Variants in CDKL2 observed in about 807,000 individuals in gnomAD.
The protein encoded by CDKL2 is cyclin-dependent kinase-like 2.
A neutral mutation model predicts 63.9 loss-of-function variants in CDKL2; 64 were observed. The ratio of observed to expected loss-of-function variants is 1.00; its 90% confidence interval spans 0.82 to 1.23. The LOEUF is 1.23. Ranked by LOEUF, CDKL2 falls within the 50% of genes most tolerant of loss-of-function variation. The pLI is 0.00. For synonymous variants in CDKL2, 211 were observed against 229.2 expected, an observed-to-expected ratio of 0.92 and a Z score of 0.72; for missense variants, 656 against 668.0, an observed-to-expected ratio of 0.98 and a Z score of 0.20.
intron 10 of CDKL2, among the ~76,000 whole-genome samples, chr4:75,594,434 C>T (rs1008210929): frequency 6.0e-5 from 9 of 149,458 alleles, no homozygotes; most frequent in Admixed American, 3.4e-4. Context: ...GGCGACAGAG[C>T]GAGATTCTGA....
intron 8 of CDKL2, 50 bp downstream of exon 8, chr4:75,598,027 T>A: frequency 8.3e-7 from 1 of 1,211,100 alleles, no homozygotes; most frequent in South Asian, 1.8e-5. Context: ...TCTCAAAAAA[T>A]TTAAAAAAAT....
At chr4:75,590,092 A>C (rs1728650971) in intron 12 of CDKL2, among the ~76,000 whole-genome samples, 1 of 152,142 alleles carries the variant, frequency 6.6e-6, no homozygotes, top group South Asian at 2.1e-4. Context: ...GCCTAAGCCC[A>C]GGGGATCAAG....
chr4:75,592,390 A>C (rs1313509647), intron 10 of CDKL2, 121 bp from the exon 11 acceptor site: 12 of 713,256 alleles, frequency 1.7e-5, no homozygotes, highest in Non-Finnish European at 2.5e-5. Flanking sequence ...TATAATAAAA[A>C]ATTTGAAGGA....
rs557950896 is a variant in CDKL2 at position 75,619,110 on chromosome 4, CTT to C, written c.169-4663_169-4662del. On this transcript the variant is annotated intron_variant, in intron 2 of 13. Coordinates refer to ENST00000307465, the MANE Select transcript of CDKL2 (RefSeq NM_001330724.2). ...GATAAAAAGAGACTATAAGCAAGAA[CTT>C]TGAACTTACTAAGGAGGTCCTGAGC... Among the ~76,000 whole-genome samples the C allele has an allele frequency of 4.9e-3, 743 of 152,242 alleles. 7 individuals are homozygous for C. The highest frequency in any genetic ancestry group is 7.9e-3 in the Admixed American group (121 of 15,292).
In CDKL2 at chr4:75,617,046, T is replaced by C. The variant is rs144770609; in HGVS notation, c.169-2597A>G. Among the ~76,000 whole-genome samples, 462 of 152,154 alleles carry C rather than the reference T, an allele frequency of 3.0e-3. 2 individuals are homozygous for C. Among genetic ancestry groups the C allele is most frequent in the African/African-American group, 9.9e-3 (410 of 41,508 alleles). On this transcript the variant is annotated intron_variant, in intron 2 of 13. Coordinates refer to ENST00000307465, the MANE Select transcript of CDKL2 (RefSeq NM_001330724.2). Reference sequence around the variant, plus strand: ...GACTTACATCGTGACTGCGACAAAATCCAATTCCATTATTAATAATCTGAA... The same window carrying C: ...GACTTACATCGTGACTGCGACAAAACCCAATTCCATTATTAATAATCTGAA...
chr4:75,588,309 C>A (rs753241342), intron 12 of CDKL2, among the ~76,000 whole-genome samples: 1 of 151,360 alleles, frequency 6.6e-6, no homozygotes, highest in African/African-American at 2.4e-5. Flanking sequence ...ATTCAAGGAA[C>A]AAATAACACC....
chr4:75,580,547 G>A (rs1034108595), intron 13 of CDKL2, among the ~76,000 whole-genome samples: 31 of 149,954 alleles, frequency 2.1e-4, no homozygotes, highest in African/African-American at 5.1e-4. Context: ...CACACGTGTG[G>A]CCCCAGCTAC....
At chr4:75,587,976 A>AG (rs1275647572) in intron 12 of CDKL2, among the ~76,000 whole-genome samples, 1 of 151,674 alleles carries the variant, frequency 6.6e-6, no homozygotes, top group African/African-American at 2.4e-5. Flanking sequence ...GCACTTTGGG[A>AG]GGCCAAGGCA....
intron 7 of CDKL2, among the ~76,000 whole-genome samples, chr4:75,598,856 CT>C (rs760416129): frequency 2.6e-5 from 4 of 152,126 alleles, no homozygotes; most frequent in Non-Finnish European, 5.9e-5. Flanking sequence ...GTTATTAAGA[CT>C]TTGGGTCTAT....
intron 3 of CDKL2, among the ~76,000 whole-genome samples, chr4:75,611,485 A>T (rs1482496995): frequency 6.7e-6 from 1 of 150,292 alleles, no homozygotes; most frequent in Non-Finnish European, 1.5e-5. Context: ...AAAAAAGAGT[A>T]AATGGACTGG....
intron 6 of CDKL2, among the ~76,000 whole-genome samples, chr4:75,602,609 T>C (rs13136640): frequency 0.4 from 61,174 of 151,984 alleles, 13,075 homozygotes; most frequent in African/African-American, 0.51. Flanking sequence ...GTAACCTCTG[T>C]CTCCTGGGTT....
intron 3 of CDKL2, among the ~76,000 whole-genome samples, chr4:75,608,431 C>G (rs1729527886): frequency 6.6e-6 from 1 of 151,844 alleles, no homozygotes; most frequent in South Asian, 2.1e-4. Context: ...GGCCAGAAAA[C>G]TGTTTTTTCT....
intron 2 of CDKL2, among the ~76,000 whole-genome samples, chr4:75,621,082 C>T (rs999031458): frequency 2.0e-5 from 3 of 151,646 alleles, no homozygotes; most frequent in African/African-American, 7.3e-5. Context: ...ACTATAGGCG[C>T]GCACCAACAT....
intron 2 of CDKL2, among the ~76,000 whole-genome samples, chr4:75,619,389 C>A (rs1048536811): frequency 3.3e-5 from 5 of 151,868 alleles, no homozygotes; most frequent in African/African-American, 1.2e-4. Flanking sequence ...GGCCCAGCAG[C>A]CACAAAAATC....
chr4:75,606,460 G>A (rs527679350), intron 4 of CDKL2, among the ~76,000 whole-genome samples: 3 of 152,228 alleles, frequency 2.0e-5, no homozygotes, highest in Non-Finnish European at 2.9e-5. Context: ...TGATCCTCCC[G>A]CCTGGGCCTC....
intron 12 of CDKL2, among the ~76,000 whole-genome samples, chr4:75,586,244 A>C (rs1336012798): frequency 4.8e-5 from 7 of 145,760 alleles, no homozygotes; most frequent in African/African-American, 1.5e-4. Flanking sequence ...TTTTTTTTTT[A>C]AGATGGAGTC....
At chr4:75,583,644 C>A (rs944681700) in intron 12 of CDKL2, among the ~76,000 whole-genome samples, 3 of 141,720 alleles carry the variant, frequency 2.1e-5, no homozygotes, top group Non-Finnish European at 1.6e-5. Flanking sequence ...GAGGTTTTGC[C>A]AAAGCGGTGG....
chr4:75,596,140 T>C (rs944511204), intron 10 of CDKL2, 107 bp downstream of exon 10: 2 of 670,146 alleles, frequency 3.0e-6, no homozygotes, highest in African/African-American at 3.6e-5. Flanking sequence ...TTTCACTTTA[T>C]GTGTATCCAA....
chr4:75,626,216 A>G (rs1234665843), intron 1 of CDKL2, among the ~76,000 whole-genome samples, 199 bp from the exon 2 acceptor site: 2 of 152,220 alleles, frequency 1.3e-5, no homozygotes, highest in East Asian at 3.8e-4. Context: ...TATGTTTTCA[A>G]AATGGTCACA....
Sources: allele counts gnomAD v4.1 joint callset (sites outside exome capture counted in the v4.1 genomes callset), GRCh38; gene constraint gnomAD v4.1.1; transcripts MANE v1.5; gene names NCBI Gene and HGNC (gene_info 2026-07-23, HGNC 2026-07-21).